Variants in CIB3 observed in about 807,000 individuals in gnomAD.
The protein encoded by CIB3 is calcium and integrin binding family member 3.
In CIB3, 22 loss-of-function variants were observed where a neutral mutation model predicts 23.4. That is an observed-to-expected ratio of 0.94 (90% CI 0.67 to 1.34). The LOEUF (loss-of-function observed/expected upper bound fraction) is 1.34. Ranked by LOEUF, CIB3 falls within the 40% of genes most tolerant of loss-of-function variation. The pLI is 0.00. For missense variants in CIB3, 258 were observed against 247.3 expected (o/e 1.04, Z -0.29); for synonymous variants, 93 against 95.8 (o/e 0.97, Z 0.17).
chr19:16,172,748 A>G (rs1296821193), intron 2 of CIB3, among the ~76,000 whole-genome samples: 1 of 151,946 alleles, frequency 6.6e-6, no homozygotes. Context: ...CCAAGGGTTT[A>G]AGACCAGCCT....
chr19:16,166,898 G>A (rs1320961758), intron 4 of CIB3, among the ~76,000 whole-genome samples: 1 of 152,128 alleles, frequency 6.6e-6, no homozygotes, highest in Non-Finnish European at 1.5e-5. Flanking sequence ...TGGCCAACAT[G>A]GTGAAACCCC....
rs1323171858 is a variant in CIB3, at chr19:16,173,432, G to T, written c.44C>A (p.Ala15Glu). 6.2e-7 allele frequency: 1 copy of T among 1,613,734 alleles called. No homozygotes were observed. The highest frequency in any genetic ancestry group is 8.5e-7 in the Non-Finnish European group (1 of 1,179,718). ...QTVFTHEQLE[A>E]YQDCTFFTRK... ...CATCCTGCCCCCCTCTACCTGATAC[G>T]CTTCCAGCTGCTCGTGTGTGAAGAC... The change falls in exon 1 of 6, where the codon GCG (alanine) becomes GAG (glutamate). Residue 15 changes from alanine to glutamate, a missense_variant. By Grantham distance (107) the Ala-to-Glu change is moderately radical (BLOSUM62 -1). Transcript: ENST00000269878.
intron 4 of CIB3, among the ~76,000 whole-genome samples, chr19:16,167,858 A>T (rs1406000120): frequency 6.6e-6 from 1 of 152,096 alleles, no homozygotes; most frequent in Admixed American, 6.6e-5. Context: ...AAAAATCAAT[A>T]AATAAATAAG....
At position 16,164,728 on chromosome 19, in the gene CIB3, C is replaced by G; in HGVS notation, c.532G>C (p.Asp178His). The G allele has an allele frequency of 1.9e-6, 3 of 1,613,834 alleles. No homozygotes were observed. Among genetic ancestry groups the G allele is most frequent in the Admixed American group, 1.7e-5 (1 of 59,964 alleles). The change falls in exon 5 of 6, where the codon GAC (aspartate) becomes CAC (histidine). Residue 178 changes from aspartate to histidine, a missense_variant. By Grantham distance (81) the Asp-to-His change is moderately conservative. Transcript: ENST00000269878. ...DFQNMILRAP[D>H]FLSTFHIRI ...GACGGAGAGCATCACCTGAGGAAGTCTGGTGCCCGGAGGATCATGTTCTGG... is the reference window on the plus strand; with the variant it reads ...GACGGAGAGCATCACCTGAGGAAGTGTGGTGCCCGGAGGATCATGTTCTGG...
chr19:16,161,535 C>A, intron 5 of CIB3, 49 bp from the exon 6 acceptor site: 1 of 1,603,876 alleles, frequency 6.2e-7, no homozygotes, highest in South Asian at 1.1e-5. Context: ...GTGGACAACC[C>A]CTTTTCCTCC....
chr19:16,166,284 G>C (rs147364223), intron 4 of CIB3, among the ~76,000 whole-genome samples: 1 of 152,018 alleles, frequency 6.6e-6, no homozygotes, highest in Admixed American at 6.6e-5. Context: ...AGAGTGAGAC[G>C]CTGTCTCAGT....
At chr19:16,169,540 T>C (rs1034739997) in intron 3 of CIB3, 90 bp downstream of exon 3, 7 of 1,142,722 alleles carry the variant, frequency 6.1e-6, no homozygotes, top group African/African-American at 4.6e-5. Context: ...ATCTTTAAAA[T>C]GGGGATAACT....
At chr19:16,168,429 G>A (rs2091314782) in intron 3 of CIB3, 145 bp from the exon 4 acceptor site, 1 of 1,209,130 alleles carries the variant, frequency 8.3e-7, no homozygotes, top group African/African-American at 1.5e-5. Context: ...CCCTGGACAG[G>A]ACTTTGGACA....
At chr19:16,167,511 C>T (rs1171062802) in intron 4 of CIB3, among the ~76,000 whole-genome samples, 1 of 152,004 alleles carries the variant, frequency 6.6e-6, no homozygotes, top group Non-Finnish European at 1.5e-5. Context: ...GAGAGGCCTA[C>T]TTTTGACCTA....
intron 4 of CIB3, 115 bp downstream of exon 4, chr19:16,168,022 G>T: frequency 7.4e-7 from 1 of 1,343,246 alleles, no homozygotes; most frequent in Non-Finnish European, 1.0e-6. Flanking sequence ...TGGAGGACAG[G>T]GCCACATAGG....
intron 5 of CIB3, among the ~76,000 whole-genome samples, chr19:16,164,050 G>A (rs1009824725): frequency 5.3e-5 from 8 of 152,024 alleles, no homozygotes; most frequent in Admixed American, 6.6e-5. Flanking sequence ...AGCTCACTGC[G>A]GCCTTGACCT....
At chr19:16,168,664 T>C (rs2091315783) in intron 3 of CIB3, among the ~76,000 whole-genome samples, 1 of 152,154 alleles carries the variant, frequency 6.6e-6, no homozygotes, top group African/African-American at 2.4e-5. Flanking sequence ...CTTGCAAAGC[T>C]CACAGAAGCT....
At chr19:16,162,894 T>C (rs2364502) in intron 5 of CIB3, among the ~76,000 whole-genome samples, 51,597 of 107,542 alleles carry the variant, frequency 0.48, 10,454 homozygotes, top group East Asian at 0.79. Context: ...TTCTTTTTTT[T>C]TTTTTTTTTT....
intron 5 of CIB3, among the ~76,000 whole-genome samples, chr19:16,162,288 G>A (rs2091287860): frequency 6.6e-6 from 1 of 151,514 alleles, no homozygotes; most frequent in Admixed American, 6.6e-5. Context: ...GCTAGGCGTG[G>A]TGGTGTGTGC....
intron 3 of CIB3, 46 bp downstream of exon 3, chr19:16,169,584 C>A (rs371605766): frequency 9.2e-6 from 14 of 1,526,066 alleles, no homozygotes; most frequent in Non-Finnish European, 1.2e-5. Context: ...CAACGAGAGA[C>A]ATCTCTACTA....
rs2091313736 is a variant in CIB3 at position 16,168,228 on chromosome 19, G to A, written c.255C>T (p.His85=). 1.2e-6 allele frequency: 2 copies of A among 1,613,592 alleles called. No individual in the cohort carries two copies. The highest frequency in any genetic ancestry group is 1.7e-6 in the Non-Finnish European group (2 of 1,179,906). The change falls in exon 4 of 6, where the codon CAC becomes CAT. Residue 85 remains histidine (H), a synonymous_variant. Transcript: ENST00000269878. ...AQVFSEDGDG[H]MTLDNFLDMF... Reference sequence around the variant, plus strand: ...TGTCCAAAAAGTTGTCCAGGGTCATGTGGCCATCCCCATCCTCAGAGAATA... The same window carrying A: ...TGTCCAAAAAGTTGTCCAGGGTCATATGGCCATCCCCATCCTCAGAGAATA...
chr19:16,172,210 A>G (rs945038261), intron 2 of CIB3, among the ~76,000 whole-genome samples: 2 of 152,320 alleles, frequency 1.3e-5, no homozygotes, highest in Admixed American at 1.3e-4. Flanking sequence ...GCTGGAGCAC[A>G]GTGGCGTGAT....
chr19:16,165,791 C>T (rs2091303782), intron 4 of CIB3, among the ~76,000 whole-genome samples: 2 of 152,314 alleles, frequency 1.3e-5, no homozygotes, highest in South Asian at 2.1e-4. Flanking sequence ...GTGCTAGGCA[C>T]TGTAATAACT....
intron 4 of CIB3, among the ~76,000 whole-genome samples, chr19:16,165,292 C>CAA (rs71178645): frequency 0.032 from 2,574 of 79,538 alleles, 92 homozygotes; most frequent in East Asian, 0.076. Context: ...AAACTCCGTC[C>CAA]AAAAAAAAAA....
Sources: allele counts gnomAD v4.1 joint callset (sites outside exome capture counted in the v4.1 genomes callset), GRCh38; gene constraint gnomAD v4.1.1; transcripts MANE v1.5; gene names NCBI Gene and HGNC (gene_info 2026-07-23, HGNC 2026-07-21).